OCA2: variants seen among roughly 807,000 people sequenced by gnomAD.
OCA2 encodes P protein.
In OCA2, 77 loss-of-function variants were observed where a neutral mutation model predicts 100.2. The observed-to-expected ratio is 0.77, with a 90% CI of 0.64 to 0.93. The LOEUF (loss-of-function observed/expected upper bound fraction) is 0.93. OCA2 is among the 40% of genes least tolerant of loss of function. The probability of loss-of-function intolerance (pLI) is 0.00; values close to 1 mark genes in which losing one functional copy is unlikely to be tolerated. For synonymous variants in OCA2, 432 were observed against 439.2 expected (o/e 0.98, Z 0.21); for missense variants, 1,062 against 1,089.1 (o/e 0.98, Z 0.35).
At chr15:28,001,280 TACAC>T (rs955536657) in intron 9 of OCA2, among the ~76,000 whole-genome samples, 15 of 151,088 alleles carry the variant, frequency 9.9e-5, no homozygotes, top group African/African-American at 3.7e-4. Flanking sequence ...CACACACACA[TACAC>T]ACACAAATAG....
intron 18 of OCA2, among the ~76,000 whole-genome samples, chr15:27,939,948 C>T (rs533475780): frequency 1.8e-4 from 28 of 152,332 alleles, no homozygotes; most frequent in Middle Eastern, 3.4e-3. Context: ...AGGTCACTGA[C>T]TGCACAACTG....
At chr15:27,906,257 T>C (rs1359173397) in intron 19 of OCA2, among the ~76,000 whole-genome samples, 1 of 152,212 alleles carries the variant, frequency 6.6e-6, no homozygotes, top group Non-Finnish European at 1.5e-5. Flanking sequence ...TCATTACATA[T>C]TGTATTATTG....
intron 2 of OCA2, among the ~76,000 whole-genome samples, chr15:28,076,924 T>C (rs1427765198): frequency 6.6e-6 from 1 of 151,554 alleles, no homozygotes; most frequent in Non-Finnish European, 1.5e-5. Flanking sequence ...TTTAAGTACA[T>C]CTGTCATTCT....
At chr15:27,881,042 C>A (rs2036992507) in intron 19 of OCA2, among the ~76,000 whole-genome samples, 2 of 152,064 alleles carry the variant, frequency 1.3e-5, no homozygotes, top group African/African-American at 4.8e-5. Flanking sequence ...CCATCAATAC[C>A]TAGTTTATTG....
chr15:27,961,922 A>T (rs2040423009), intron 15 of OCA2, among the ~76,000 whole-genome samples: 1 of 152,192 alleles, frequency 6.6e-6, no homozygotes, highest in Admixed American at 6.5e-5. Flanking sequence ...CATTCTGCAC[A>T]TATATCCCAG....
chr15:27,846,999 G>A (rs1234412311), intron 22 of OCA2, among the ~76,000 whole-genome samples: 2 of 152,058 alleles, frequency 1.3e-5, no homozygotes, highest in Non-Finnish European at 2.9e-5. Context: ...AGTGTCGTGT[G>A]GGTGACACCA....
chr15:28,063,893 G>GT (rs1420605445), intron 2 of OCA2, among the ~76,000 whole-genome samples: 9 of 151,972 alleles, frequency 5.9e-5, no homozygotes, highest in Non-Finnish European at 1.3e-4. Flanking sequence ...CTGGTGCTCT[G>GT]TTTTTCCTTA....
chr15:27,837,686 A>G (rs1315453984), intron 23 of OCA2, among the ~76,000 whole-genome samples: 1 of 152,116 alleles, frequency 6.6e-6, no homozygotes, highest in Non-Finnish European at 1.5e-5. Context: ...TAGACTACGG[A>G]GAAAAGACAT....
At chr15:27,767,048 G>A (rs866438586) in intron 23 of OCA2, among the ~76,000 whole-genome samples, 2 of 151,602 alleles carry the variant, frequency 1.3e-5, no homozygotes, top group South Asian at 2.1e-4. Context: ...CTGGAGTTGG[G>A]CTACATGGCT....
In OCA2 at chr15:28,017,169, C is replaced by T. The variant is rs141181448; in HGVS notation, c.808-983G>A. 1.8e-4 allele frequency among the ~76,000 whole-genome samples: 27 copies of T among 152,252 alleles called. 1 individual carries two copies. Among genetic ancestry groups the T allele is most frequent in the African/African-American group, 6.0e-4 (25 of 41,550 alleles). ...AAACCGGTCAAAGCAAAGAAGCACACGCATGAGAGAACAGAAGTTCTTTTA... is the reference window on the plus strand; with the variant it reads ...AAACCGGTCAAAGCAAAGAAGCACATGCATGAGAGAACAGAAGTTCTTTTA... On this transcript the variant is annotated intron_variant, in intron 7 of 23. Coordinates refer to ENST00000354638, the MANE Select transcript of OCA2 (RefSeq NM_000275.3).
chr15:28,018,408 G>A lies in OCA2; in HGVS notation c.796C>T (p.Arg266Trp), dbSNP rs33929465. ...ATTATCAGCATAACCTGCTGTGGCCGCCGCCACCTGGAGCCCAAAGCGTCA... is the reference window on the plus strand; with the variant it reads ...ATTATCAGCATAACCTGCTGTGGCCACCGCCACCTGGAGCCCAAAGCGTCA... ...QADALGSRWR[R>W]PQQVTHNWTV... The change falls in exon 7 of 24, where the codon CGG (arginine) becomes TGG (tryptophan). Residue 266 changes from arginine (R) to tryptophan (W), a missense_variant. Transcript: ENST00000354638. 3.6e-3 allele frequency: 5,819 copies of A among 1,613,918 alleles called. 55 individuals are homozygous for A. Among genetic ancestry groups the A allele is most frequent in the African/African-American group, 0.026 (1,917 of 75,026 alleles).
intron 2 of OCA2, among the ~76,000 whole-genome samples, chr15:28,041,570 G>T (rs1275615247): frequency 6.6e-6 from 1 of 152,158 alleles, no homozygotes; most frequent in African/African-American, 2.4e-5. Context: ...AACTGGAAAG[G>T]AAGAAGTAAA....
intron 21 of OCA2, among the ~76,000 whole-genome samples, chr15:27,856,128 C>T (rs895967775): frequency 6.6e-6 from 1 of 152,160 alleles, no homozygotes; most frequent in African/African-American, 2.4e-5. Flanking sequence ...ACACAGGAGC[C>T]TTCCCCGTGC....
chr15:28,070,085 CCGGCCGAGACCCCG>C (rs1162185715), intron 2 of OCA2, among the ~76,000 whole-genome samples: 1 of 114,702 alleles, frequency 8.7e-6, no homozygotes, highest in Non-Finnish European at 1.6e-5. Context: ...GCACCTCTGC[CCGGCCGAGACCCCG>C]TCTGGGAGGT....
intron 22 of OCA2, among the ~76,000 whole-genome samples, chr15:27,848,432 G>GCTC (rs2035615382): frequency 6.6e-6 from 1 of 152,132 alleles, no homozygotes; most frequent in African/African-American, 2.4e-5. Context: ...CGTGGCATGG[G>GCTC]CTCCATGTGG....
At chr15:27,912,579 C>T (rs1394135176) in intron 19 of OCA2, among the ~76,000 whole-genome samples, 2 of 152,004 alleles carry the variant, frequency 1.3e-5, no homozygotes, top group Non-Finnish European at 2.9e-5. Context: ...TGAACTTTTA[C>T]AAATGTAAAT....
rs2043265142 is a variant in OCA2, at chr15:28,043,549, T to A, written c.228-11386A>T. 6.6e-6 allele frequency among the ~76,000 whole-genome samples: 1 copy of A among 152,202 alleles called. No individual in the cohort carries two copies. Among genetic ancestry groups the A allele is most frequent in the Admixed American group, 6.5e-5 (1 of 15,276 alleles). Reference sequence around the variant, plus strand: ...CAGACATAAGGATGCAATCCTTCCTTTTCAAAGCAAACGGATGGAACATGA... The same window carrying A: ...CAGACATAAGGATGCAATCCTTCCTATTCAAAGCAAACGGATGGAACATGA... On this transcript the variant is annotated intron_variant, in intron 2 of 23. Transcript: ENST00000354638. This position sits in a 1 kb window ranked among gnomAD's most constrained non-coding sequence, Gnocchi z 4.4.
rs1567099031 is a variant in OCA2 at position 27,913,915 on chromosome 15, GC to G, written c.2079+12211del. ...AGAAAGCAAGCAAGCAAGCAAGCAA[GC>G]AAGCAAGCAAGCAAGAAAGAAAGAA... is the stretch of plus-strand genomic sequence containing the variant. On this transcript the variant is annotated intron_variant, in intron 19 of 23. Transcript: ENST00000354638. Among the ~76,000 whole-genome samples, 120 of 47,594 alleles carry G rather than the reference GC, an allele frequency of 2.5e-3. 15 individuals carry two copies. Among genetic ancestry groups the G allele is most frequent in the African/African-American group, 0.011 (116 of 10,222 alleles). The allele number at this position is 47,594 out of a possible 152,430, so 31.2% of individuals were successfully genotyped here.
At chr15:27,850,072 A>G (rs576682359) in intron 22 of OCA2, among the ~76,000 whole-genome samples, 2 of 152,336 alleles carry the variant, frequency 1.3e-5, no homozygotes, top group East Asian at 3.9e-4. Flanking sequence ...GAATTAGCCT[A>G]TAAATGGCAC....
Sources: gnomAD v4.1 joint callset for allele counts (sites outside exome capture counted in the v4.1 genomes callset) on GRCh38, gnomAD v4.1.1 for gene constraint, Gnocchi (gnomAD v3.1) non-coding constraint, MANE v1.5 for transcripts, NCBI Gene and HGNC (gene_info 2026-07-23, HGNC 2026-07-21) for gene names.